NTN1: variants seen among roughly 807,000 people sequenced by gnomAD.
NTN1 encodes netrin-1.
Under a neutral mutation model 54.2 loss-of-function variants are expected in NTN1, and 11 were observed. That is an observed-to-expected ratio of 0.20 (90% confidence interval 0.13 to 0.34). The LOEUF (loss-of-function observed/expected upper bound fraction) is 0.34. NTN1 is among the 10% of genes least tolerant of loss of function. NTN1 has a pLI of 1.00. For missense variants in NTN1, 740 were observed against 893.1 expected, an observed-to-expected ratio of 0.83 and a Z score of 2.18; for synonymous variants, 371 against 382.0, an observed-to-expected ratio of 0.97 and a Z score of 0.33.
chr17:9,172,960 T>C (rs1435484838), intron 3 of NTN1: 1 of 147,776 alleles, frequency 6.8e-6, no homozygotes, highest in Non-Finnish European at 1.5e-5. Flanking sequence ...CCCATAAGAC[T>C]ACACCAAAAA....
chr17:9,205,658 G>A (rs1274444411), intron 5 of NTN1, among the ~76,000 whole-genome samples: 1 of 152,170 alleles, frequency 6.6e-6, no homozygotes, highest in Non-Finnish European at 1.5e-5. Context: ...CCTGCATTGC[G>A]ATGGGGGGAG....
At chr17:9,039,866 AC>A in intron 2 of NTN1, among the ~76,000 whole-genome samples, 1 of 152,150 alleles carries the variant, frequency 6.6e-6, no homozygotes, top group African/African-American at 2.4e-5. Context: ...GTATTGCTAT[AC>A]CACAATTTTT....
At chr17:9,151,997 T>C (rs1247958591) in intron 2 of NTN1, among the ~76,000 whole-genome samples, 1 of 152,118 alleles carries the variant, frequency 6.6e-6, no homozygotes, top group African/African-American at 2.4e-5. Context: ...AAGGGCACTC[T>C]GATAGGACAG....
Position 9,094,858 on chromosome 17 carries a change from G to C in NTN1, c.1019-67955G>C, listed in dbSNP as rs141061848. ...ACAAAAATTAGCCAGGCATGGTGGCGCATGCCTGTAATCCCAGCTACTCAG... is the reference window on the plus strand; with the variant it reads ...ACAAAAATTAGCCAGGCATGGTGGCCCATGCCTGTAATCCCAGCTACTCAG... On this transcript the variant is annotated intron_variant, in intron 2 of 6. Transcript: ENST00000173229. 7.5e-3 allele frequency among the ~76,000 whole-genome samples: 1,144 copies of C among 151,946 alleles called. 15 individuals carry two copies. The highest frequency in any genetic ancestry group is 0.026 in the African/African-American group (1,069 of 41,428).
At chr17:9,046,950 G>C (rs2091943174) in intron 2 of NTN1, among the ~76,000 whole-genome samples, 1 of 152,120 alleles carries the variant, frequency 6.6e-6, no homozygotes, top group Non-Finnish European at 1.5e-5. Context: ...TCTCAATAAA[G>C]CAAGTCATAC....
intron 5 of NTN1, among the ~76,000 whole-genome samples, chr17:9,195,591 A>C (rs1019208693): frequency 6.6e-5 from 10 of 152,170 alleles, no homozygotes; most frequent in Non-Finnish European, 1.0e-4. Context: ...GTGGATGCAG[A>C]GAACCCCCAG....
intron 2 of NTN1, among the ~76,000 whole-genome samples, chr17:9,040,730 A>G (rs906034870): frequency 1.9e-4 from 29 of 151,806 alleles, no homozygotes; most frequent in African/African-American, 6.3e-4. Flanking sequence ...TTTCATATGG[A>G]TGTTCTTTAT....
chr17:9,050,924 TC>T (rs1213803262), intron 2 of NTN1, among the ~76,000 whole-genome samples: 1 of 152,140 alleles, frequency 6.6e-6, no homozygotes. Flanking sequence ...ATGAGTCAGC[TC>T]CCAGTCTCCC....
chr17:9,225,371 G>A (rs755684711), intron 6 of NTN1, among the ~76,000 whole-genome samples: 1 of 152,182 alleles, frequency 6.6e-6, no homozygotes, highest in South Asian at 2.1e-4. Context: ...GGGCCTCTGC[G>A]GAGGGCTCAG....
At chr17:9,003,164 C>A in the NTN1 span, among the ~76,000 whole-genome samples, 1 of 152,104 alleles carries the variant, frequency 6.6e-6, no homozygotes, top group Admixed American at 6.5e-5. This position sits in a 1 kb window ranked among gnomAD's most constrained non-coding sequence, Gnocchi z 7.4. Flanking sequence ...ACCCGCGGAT[C>A]CCGAGTCGCG....
intron 5 of NTN1, among the ~76,000 whole-genome samples, chr17:9,198,019 G>A (rs1904683844): frequency 1.3e-5 from 2 of 152,294 alleles, no homozygotes; most frequent in Non-Finnish European, 2.9e-5. Flanking sequence ...GGCTGTGGGT[G>A]GGATGCCAGC....
At chr17:9,180,737 A>G (rs1365104780) in intron 4 of NTN1, among the ~76,000 whole-genome samples, 1 of 152,148 alleles carries the variant, frequency 6.6e-6, no homozygotes, top group Non-Finnish European at 1.5e-5. Flanking sequence ...CTAATGAAGG[A>G]TGATAGCAAC....
At chr17:9,089,330 G>A (rs143315264) in intron 2 of NTN1, among the ~76,000 whole-genome samples, 3,507 of 151,914 alleles carry the variant, frequency 0.023, 58 homozygotes, top group Middle Eastern at 0.058. Context: ...CAGGAGAATC[G>A]CTTGAACCCG....
intron 2 of NTN1, among the ~76,000 whole-genome samples, chr17:9,077,214 GA>G (rs997912004): frequency 2.7e-5 from 4 of 150,268 alleles, no homozygotes; most frequent in East Asian, 3.9e-4. Flanking sequence ...AGGTTCAAAA[GA>G]AAAAAAAAGG....
intron 2 of NTN1, among the ~76,000 whole-genome samples, chr17:9,121,330 G>A (rs1046282883): frequency 1.3e-5 from 2 of 151,990 alleles, no homozygotes; most frequent in African/African-American, 4.8e-5. Flanking sequence ...TCCTTGATGT[G>A]CGGGGGTAGC....
intron 2 of NTN1, among the ~76,000 whole-genome samples, chr17:9,054,171 A>T (rs761226450): frequency 6.6e-6 from 1 of 152,230 alleles, no homozygotes; most frequent in Non-Finnish European, 1.5e-5. Context: ...GAAAGAACCT[A>T]GCAACTGGGT....
chr17:9,024,930 G>A (rs1029094580), intron 2 of NTN1, among the ~76,000 whole-genome samples: 1 of 152,158 alleles, frequency 6.6e-6, no homozygotes, highest in African/African-American at 2.4e-5. Flanking sequence ...CAGTTCCCTC[G>A]GAAATGTTGG....
At chr17:9,157,973 G>T (rs574433035) in intron 2 of NTN1, among the ~76,000 whole-genome samples, 1 of 152,358 alleles carries the variant, frequency 6.6e-6, no homozygotes, top group Non-Finnish European at 1.5e-5. Context: ...CTAGGGACAG[G>T]CCGGGAGTTG....
At position 9,055,604 on chromosome 17, in the gene NTN1, G is replaced by A. The variant is rs537439295; in HGVS notation, c.1018+32213G>A. Among the ~76,000 whole-genome samples, 5 of 152,326 alleles carry A rather than the reference G, an allele frequency of 3.3e-5. No individual in the cohort carries two copies. The South Asian group carries it at 1.0e-3, about 32-fold the overall frequency. ...ACGTGAGGAGGTCCTGGTGCAGGAAGGAGCTTGCCACGTTTGAGCAACAGA... is the reference window on the plus strand; with the variant it reads ...ACGTGAGGAGGTCCTGGTGCAGGAAAGAGCTTGCCACGTTTGAGCAACAGA... On this transcript the variant is annotated intron_variant, in intron 2 of 6. Coordinates refer to ENST00000173229, the MANE Select transcript of NTN1 (RefSeq NM_004822.3).
Sources: allele counts gnomAD v4.1 joint callset (sites outside exome capture counted in the v4.1 genomes callset), GRCh38; gene constraint gnomAD v4.1.1; non-coding constraint Gnocchi (gnomAD v3.1); transcripts MANE v1.5; gene names NCBI Gene and HGNC (gene_info 2026-07-23, HGNC 2026-07-21).